HDAC4: variants seen among roughly 807,000 people sequenced by gnomAD.
HDAC4 encodes histone deacetylase 4.
In HDAC4, 16 loss-of-function variants were observed where a neutral mutation model predicts 135.1. That is an observed-to-expected ratio of 0.12 (90% CI 0.08 to 0.18). HDAC4 has a LOEUF of 0.18. Among genes scored for constraint, HDAC4 ranks in the 10% least tolerant of loss-of-function variants. The pLI is 1.00. For missense variants in HDAC4, 1,143 were observed against 1,511.8 expected (o/e 0.76, Z 4.05); for synonymous variants, 685 against 653.4 (o/e 1.05, Z -0.74).
In HDAC4 at chr2:239,081,141, C is replaced by T. The variant is rs760492967; in HGVS notation, c.2704G>A (p.Gly902Ser). The change falls in exon 22 of 27, where the codon GGC becomes AGC. Residue 902 changes from glycine (G) to serine (S), a missense_variant. Around this residue, in one of 9 missense-constraint regions of HDAC4, gnomAD observed 189 missense variants for 317.6 expected, o/e 0.60. Transcript: ENST00000543185. ...GFNVNMAFTG[G>S]LDPPMGDAEY... is the part of the protein sequence containing the mutation. ...GCGTCTCCCATGGGGGGGTCCAGGC[C>T]GCCGGTGAAAGCCATGTTGACGTTG... 2.7e-5 allele frequency: 44 copies of T among 1,613,886 alleles called. No individual in the cohort carries two copies. Among genetic ancestry groups the T allele is most frequent in the Middle Eastern group, 1.6e-4 (1 of 6,082 alleles).
chr2:239,070,172 G>A (rs1177403430), intron 22 of HDAC4, among the ~76,000 whole-genome samples: 1 of 149,982 alleles, frequency 6.7e-6, no homozygotes, highest in East Asian at 1.9e-4. Context: ...AGAGGGCGGA[G>A]AGCCCTTGCC....
intron 1 of HDAC4, among the ~76,000 whole-genome samples, chr2:239,356,448 G>A (rs1018813126): frequency 2.6e-5 from 4 of 152,144 alleles, no homozygotes; most frequent in Non-Finnish European, 5.9e-5. Flanking sequence ...TTGGAGAGAG[G>A]AGGCTCTGTG....
rs563642782 is a variant in HDAC4 at position 239,143,595 on chromosome 2, C to A, written c.865+988G>T. On this transcript the variant is annotated intron_variant, in intron 8 of 26. Transcript: ENST00000543185. ...AATATTCAGACCCAGACCCTTACAC[C>A]GTGGTTAGGAACTCCTCAAGTAGAG... is the stretch of plus-strand genomic sequence containing the variant. 3.9e-5 allele frequency among the ~76,000 whole-genome samples: 6 copies of A among 152,286 alleles called. No homozygotes were observed. The South Asian group carries it at 1.0e-3, about 26-fold the overall frequency.
intron 2 of HDAC4, among the ~76,000 whole-genome samples, chr2:239,274,072 C>T (rs1418305640): frequency 6.6e-6 from 1 of 152,206 alleles, no homozygotes; most frequent in East Asian, 1.9e-4. Context: ...GCTCAGCCAT[C>T]GCTGAAGATG....
At chr2:239,383,896 C>G (rs1277805075) in intron 1 of HDAC4, among the ~76,000 whole-genome samples, 1 of 152,218 alleles carries the variant, frequency 6.6e-6, no homozygotes, top group African/African-American at 2.4e-5. Context: ...TCAGCCCCGC[C>G]AACAAGGCCA....
intron 24 of HDAC4, among the ~76,000 whole-genome samples, chr2:239,060,456 A>C (rs2032517248): frequency 6.6e-6 from 1 of 152,220 alleles, no homozygotes; most frequent in Admixed American, 6.5e-5. Context: ...CATGAACTTC[A>C]CAAGGAGGGA....
At chr2:239,291,461 T>C (rs1231829482) in intron 2 of HDAC4, among the ~76,000 whole-genome samples, 1 of 152,048 alleles carries the variant, frequency 6.6e-6, no homozygotes, top group Non-Finnish European at 1.5e-5. Flanking sequence ...AGAGCTGCAG[T>C]GGGATTTTCA....
chr2:239,352,792 C>G lies in HDAC4; in HGVS notation c.-93G>C. On this transcript the variant is annotated 5_prime_UTR_variant, in exon 2 of 27. An upstream start codon of the reference 5' UTR is lost. Transcript: ENST00000543185. This position sits in a 1 kb window ranked among gnomAD's most constrained non-coding sequence, Gnocchi z 4.4. ...AACGAGCTCCAAACTCCCACCAACA[C>G]ATACAAGTACCGGGACGGTGAGGGC... The G allele has an allele frequency of 8.1e-7, 1 of 1,238,934 alleles. No homozygotes were observed. The highest frequency in any genetic ancestry group is 1.3e-5 in the South Asian group (1 of 77,762). 76.7% of individuals were successfully genotyped at this position (1,238,934 alleles called of 1,614,324 possible).
chr2:239,269,396 G>A (rs539810780), intron 2 of HDAC4, among the ~76,000 whole-genome samples: 2 of 152,152 alleles, frequency 1.3e-5, no homozygotes, highest in Non-Finnish European at 2.9e-5. Context: ...ATTGTACATT[G>A]TCTGTGTGCC....
intron 2 of HDAC4, among the ~76,000 whole-genome samples, chr2:239,277,159 G>A (rs1341104357): frequency 6.6e-6 from 1 of 152,216 alleles, no homozygotes; most frequent in Non-Finnish European, 1.5e-5. Context: ...GTATAGTGGG[G>A]TCCCGAGGTT....
intron 1 of HDAC4, among the ~76,000 whole-genome samples, chr2:239,372,174 C>T (rs963535500): frequency 3.9e-5 from 6 of 152,138 alleles, no homozygotes; most frequent in Admixed American, 6.6e-5. Context: ...ACAGTGGGCC[C>T]CAGGACTCTC....
chr2:239,098,680 C>T (rs1051026311), intron 16 of HDAC4, among the ~76,000 whole-genome samples: 1 of 152,166 alleles, frequency 6.6e-6, no homozygotes, highest in South Asian at 2.1e-4. Flanking sequence ...CACGGCTTAG[C>T]GGCTTGTGGA....
intron 12 of HDAC4, among the ~76,000 whole-genome samples, chr2:239,118,237 T>C (rs188107892): frequency 2.2e-4 from 33 of 152,290 alleles, no homozygotes; most frequent in African/African-American, 7.7e-4. Flanking sequence ...CTAAGAGCAG[T>C]TTAAAGTACG....
intron 3 of HDAC4, among the ~76,000 whole-genome samples, chr2:239,209,797 C>A (rs568424020): frequency 4.6e-5 from 7 of 152,262 alleles, no homozygotes; most frequent in Admixed American, 4.6e-4. Flanking sequence ...CCTATAAAGC[C>A]GCCAGAAGGA....
chr2:239,126,755 G>T (rs1191310974), intron 11 of HDAC4, 61 bp from the exon 12 acceptor site: 2 of 1,501,570 alleles, frequency 1.3e-6, no homozygotes, highest in Admixed American at 3.4e-5. Context: ...GAGGGAGAGA[G>T]GGCTATTGAG....
intron 2 of HDAC4, among the ~76,000 whole-genome samples, chr2:239,275,109 T>G (rs1180071081): frequency 6.6e-6 from 1 of 152,162 alleles, no homozygotes; most frequent in Non-Finnish European, 1.5e-5. Context: ...ATCATTACCA[T>G]CTCACCCATC....
At chr2:239,315,099 A>T (rs1205308802) in intron 2 of HDAC4, among the ~76,000 whole-genome samples, 1 of 152,182 alleles carries the variant, frequency 6.6e-6, no homozygotes, top group Non-Finnish European at 1.5e-5. Context: ...TTGTGTTGAT[A>T]ATAACTCTTT....
intron 3 of HDAC4, among the ~76,000 whole-genome samples, chr2:239,222,101 G>A (rs770051640): frequency 2.6e-5 from 4 of 152,182 alleles, no homozygotes; most frequent in African/African-American, 9.7e-5. Flanking sequence ...CCCTGTGCCA[G>A]CGCAAGGCCA....
In HDAC4 at chr2:239,139,848, C is replaced by A. The variant is rs775115953; in HGVS notation, c.866-52G>T. ...GTGTTACTCCATGCGGAGGGAGGGC[C>A]GTGCTGACCTGTGGCCCGAATGCCC... On this transcript the variant is annotated intron_variant, in intron 8 of 26. Coordinates refer to ENST00000543185, the MANE Select transcript of HDAC4 (RefSeq NM_001378414.1). The surrounding 1 kb of genome is among the most constrained non-coding windows in gnomAD (Gnocchi z 5.3). 6.6e-7 allele frequency: 1 copy of A among 1,515,338 alleles called. No homozygotes were observed. The highest frequency in any genetic ancestry group is 9.2e-7 in the Non-Finnish European group (1 of 1,092,010). The allele number at this position is 1,515,338 out of a possible 1,614,324, so 93.9% of individuals were successfully genotyped here.
Sources: allele counts gnomAD v4.1 joint callset (sites outside exome capture counted in the v4.1 genomes callset), GRCh38; gene constraint gnomAD v4.1.1; regional missense constraint gnomAD v4.1.1; non-coding constraint Gnocchi (gnomAD v3.1); transcripts MANE v1.5; gene names NCBI Gene and HGNC (gene_info 2026-07-23, HGNC 2026-07-21).